Variants in SFMBT2 observed in about 807,000 individuals in gnomAD.
SFMBT2 encodes the protein scm-like with four MBT domains protein 2.
Under a neutral mutation model 110.1 loss-of-function variants are expected in SFMBT2, and 38 were observed. That is an observed-to-expected ratio of 0.35 (90% CI 0.27 to 0.45). SFMBT2 has a LOEUF of 0.45. Ranked by LOEUF, SFMBT2 falls within the 20% of genes least tolerant of loss-of-function variation. The pLI, the probability that SFMBT2 is intolerant of heterozygous loss-of-function variation, is 1.00. For synonymous variants in SFMBT2, 425 were observed against 425.4 expected (o/e 1.00, Z 0.01); for missense variants, 1,011 against 1,094.9 (o/e 0.92, Z 1.08).
At chr10:7,313,621 G>C (rs1388119641) in intron 4 of SFMBT2, among the ~76,000 whole-genome samples, 1 of 152,180 alleles carries the variant, frequency 6.6e-6, no homozygotes, top group African/African-American at 2.4e-5. Context: ...ACAAACGATT[G>C]GGGTTTTTTG....
intron 14 of SFMBT2, among the ~76,000 whole-genome samples, chr10:7,199,050 C>G (rs1046235875): frequency 2.0e-5 from 3 of 152,178 alleles, no homozygotes; most frequent in Non-Finnish European, 4.4e-5. Context: ...GCAATCTCAG[C>G]TCACTGCAAC....
chr10:7,171,789 T>G lies in SFMBT2; in HGVS notation c.2415+106A>C, dbSNP rs1372293388. On this transcript the variant is annotated intron_variant, in intron 19 of 20. Coordinates refer to ENST00000397167, the MANE Select transcript of SFMBT2 (RefSeq NM_001387889.1). This position sits in a 1 kb window ranked among gnomAD's most constrained non-coding sequence, Gnocchi z 4.9. ...GAACTAGCTAGAGCAGCTGCTGCTG[T>G]TGGAGGTATTTTAAACAGGTTTCCC... is the stretch of plus-strand genomic sequence containing the variant. 8.6e-7 allele frequency: 1 copy of G among 1,164,556 alleles called. No homozygotes were observed. Among genetic ancestry groups the G allele is most frequent in the East Asian group, 3.1e-5 (1 of 32,168 alleles). 72.1% of individuals were successfully genotyped at this position (1,164,556 alleles called of 1,614,324 possible).
chr10:7,389,399 G>A (rs972366318), intron 1 of SFMBT2, among the ~76,000 whole-genome samples: 2 of 152,186 alleles, frequency 1.3e-5, no homozygotes, highest in Admixed American at 6.5e-5. Context: ...TGTTTCTTAA[G>A]CTATACGTAA....
At chr10:7,341,046 GA>G (rs1269505819) in intron 4 of SFMBT2, among the ~76,000 whole-genome samples, 5 of 152,202 alleles carry the variant, frequency 3.3e-5, no homozygotes, top group Admixed American at 6.5e-5. Flanking sequence ...TCTGCAGCGT[GA>G]AATGTGAAGC....
At chr10:7,175,384 G>A (rs1468839514) in intron 17 of SFMBT2, among the ~76,000 whole-genome samples, 4 of 152,224 alleles carry the variant, frequency 2.6e-5, no homozygotes, top group African/African-American at 9.7e-5. Context: ...GGATGGAAGA[G>A]GCAAGAGCTG....
intron 5 of SFMBT2, chr10:7,284,366 C>T: frequency 7.7e-7 from 1 of 1,295,788 alleles, no homozygotes; most frequent in Admixed American, 3.7e-5. Flanking sequence ...TATCCAACAA[C>T]AAAAAAATCA....
chr10:7,242,081 A>G (rs1840447561), intron 9 of SFMBT2, among the ~76,000 whole-genome samples: 1 of 152,216 alleles, frequency 6.6e-6, no homozygotes, highest in Non-Finnish European at 1.5e-5. Context: ...AAGATGGCCC[A>G]CAGGGTGTTC....
At chr10:7,295,711 T>C (rs56690760) in intron 4 of SFMBT2, among the ~76,000 whole-genome samples, 1,650 of 152,360 alleles carry the variant, frequency 0.011, 28 homozygotes, top group African/African-American at 0.038. Context: ...TCAGCATGTG[T>C]AACCTAGAAA....
At chr10:7,230,790 G>A (rs189234066) in intron 9 of SFMBT2, among the ~76,000 whole-genome samples, 8 of 152,094 alleles carry the variant, frequency 5.3e-5, no homozygotes, top group East Asian at 1.9e-4. Flanking sequence ...AAAATTAGGC[G>A]GGAGTGGTGG....
At chr10:7,220,038 T>C (rs1839674050) in intron 11 of SFMBT2, among the ~76,000 whole-genome samples, 1 of 152,218 alleles carries the variant, frequency 6.6e-6, no homozygotes, top group East Asian at 1.9e-4. Context: ...GTAAAGGATA[T>C]AACCACATTA....
At chr10:7,204,888 T>A (rs1037552485) in intron 12 of SFMBT2, 850 of 804,198 alleles carry the variant, frequency 1.1e-3, no homozygotes, top group Non-Finnish European at 1.1e-3. Flanking sequence ...AAAAAAAAAA[T>A]TTTTTTTTTG....
intron 2 of SFMBT2, among the ~76,000 whole-genome samples, chr10:7,380,230 C>G (rs1355655884): frequency 1.3e-5 from 2 of 152,164 alleles, no homozygotes; most frequent in African/African-American, 4.8e-5. Context: ...AAAATAATTT[C>G]CATGTTTCCA....
At chr10:7,239,103 G>A (rs1840354323) in intron 9 of SFMBT2, among the ~76,000 whole-genome samples, 1 of 152,014 alleles carries the variant, frequency 6.6e-6, no homozygotes, top group African/African-American at 2.4e-5. Flanking sequence ...TCAAAACAAC[G>A]CAATAAAATA....
chr10:7,268,618 C>G (rs1295452593), intron 7 of SFMBT2, among the ~76,000 whole-genome samples: 1 of 151,930 alleles, frequency 6.6e-6, no homozygotes, highest in East Asian at 1.9e-4. Flanking sequence ...TCAAGTGATT[C>G]TTCTGCCTCA....
intron 4 of SFMBT2, among the ~76,000 whole-genome samples, chr10:7,362,371 G>T (rs1313018140): frequency 1.3e-5 from 2 of 152,276 alleles, no homozygotes; most frequent in African/African-American, 4.8e-5. Context: ...ACAGACTAAT[G>T]ATGGCTTGCA....
chr10:7,184,417 G>A (rs544401232), intron 16 of SFMBT2, among the ~76,000 whole-genome samples: 24 of 152,200 alleles, frequency 1.6e-4, no homozygotes, highest in East Asian at 7.7e-4. Flanking sequence ...CATGTGAGAT[G>A]TGCCTTTCAC....
intron 4 of SFMBT2, among the ~76,000 whole-genome samples, chr10:7,325,414 T>C (rs1277841298): frequency 6.6e-6 from 1 of 152,160 alleles, no homozygotes; most frequent in Non-Finnish European, 1.5e-5. Context: ...TTAAAATCCT[T>C]CTATTATCAC....
intron 4 of SFMBT2, among the ~76,000 whole-genome samples, chr10:7,318,939 G>A (rs1305234793): frequency 6.6e-6 from 1 of 152,214 alleles, no homozygotes; most frequent in Admixed American, 6.5e-5. Context: ...GTTCCAGGCA[G>A]AGAGTGCCGC....
intron 2 of SFMBT2, among the ~76,000 whole-genome samples, chr10:7,377,957 G>C (rs1235351800): frequency 1.3e-5 from 1 of 79,308 alleles, no homozygotes; most frequent in African/African-American, 3.6e-5. Context: ...CCAAAATTTT[G>C]TGTGGGGGGG....
Sources: allele counts gnomAD v4.1 joint callset (sites outside exome capture counted in the v4.1 genomes callset), GRCh38; gene constraint gnomAD v4.1.1; non-coding constraint Gnocchi (gnomAD v3.1); transcripts MANE v1.5; gene names NCBI Gene and HGNC (gene_info 2026-07-23, HGNC 2026-07-21).